Variants in NMNAT1 observed in about 807,000 individuals in gnomAD.
NMNAT1 encodes nicotinamide nucleotide adenylyltransferase 1.
NMNAT1 carries 11 observed loss-of-function variants against 16.7 expected under a neutral mutation model. The observed-to-expected ratio is 0.66, with a 90% CI of 0.41 to 1.09. The LOEUF is 1.09. Ranked by LOEUF, NMNAT1 falls within the 50% of genes least tolerant of loss-of-function variation. The pLI, the probability that NMNAT1 is intolerant of heterozygous loss-of-function variation, is 0.00. For synonymous variants in NMNAT1, 110 were observed against 119.8 expected (o/e 0.92, Z 0.53); for missense variants, 280 against 332.3 (o/e 0.84, Z 1.22).
chr1:9,975,493 C>G (rs1557471517), intron 2 of NMNAT1, 99 bp from the exon 3 acceptor site: 9 of 1,024,710 alleles, frequency 8.8e-6, no homozygotes, highest in Non-Finnish European at 1.3e-5. Flanking sequence ...AAGACTCTGT[C>G]TCAAAAAACA....
rs1641047997 is a variant in NMNAT1, at chr1:9,949,133, G to C, written c.-57+5618G>C. On this transcript the variant is annotated intron_variant, in intron 1 of 4. Coordinates refer to ENST00000377205, the MANE Select transcript of NMNAT1 (RefSeq NM_022787.4). ...AAAAATACAAAAATTAGCCGGGCAT[G>C]GTGGCAGGCACCTGTAATCCCAGCT... is the stretch of plus-strand genomic sequence containing the variant. Among the ~76,000 whole-genome samples, 4 of 151,266 alleles carry C rather than the reference G, an allele frequency of 2.6e-5. No homozygotes were observed. In the South Asian group the frequency reaches 6.3e-4, roughly 24 times the overall value.
chr1:9,946,455 T>C lies in NMNAT1; in HGVS notation c.-57+2940T>C, dbSNP rs72638934. Among the ~76,000 whole-genome samples the C allele has an allele frequency of 6.6e-3, 1,006 of 152,286 alleles. 16 individuals are homozygous for C. The highest frequency in any genetic ancestry group is 6.2e-3 in the South Asian group (30 of 4,820). ...CGGGAGGAGTTGAGGACACTTCAGC[T>C]TGGTCTTGGGATGGGAGCCCAGAGA... On this transcript the variant is annotated intron_variant, in intron 1 of 4. Transcript: ENST00000377205.
chr1:9,956,617 T>C (rs1187786823), intron 1 of NMNAT1, among the ~76,000 whole-genome samples: 1 of 151,832 alleles, frequency 6.6e-6, no homozygotes, highest in Admixed American at 6.6e-5. Flanking sequence ...GAGATGGGGT[T>C]TCATCATGTT....
In NMNAT1 at chr1:9,975,773, A is replaced by G; in HGVS notation, c.297A>G (p.Leu99=). The G allele has an allele frequency of 6.2e-7, 1 of 1,610,638 alleles. No homozygotes were observed. The highest frequency in any genetic ancestry group is 1.3e-5 in the African/African-American group (1 of 74,920). Reference sequence around the variant, plus strand: ...AGTGGAAAGAGACTCTGAAGGTGCTAAGGTATTTATGGTGTAATCAACTTT... The same window carrying G: ...AGTGGAAAGAGACTCTGAAGGTGCTGAGGTATTTATGGTGTAATCAACTTT... The part of the protein sequence containing the change: ...QKEWKETLKV[L]RHHQEKLEAS... The change falls in exon 3 of 5, where the codon CTA becomes CTG. Residue 99 remains leucine (L), a splice_region_variant and synonymous_variant. Transcript: ENST00000377205.
In NMNAT1 at chr1:9,972,124, C is replaced by A; in HGVS notation, c.51C>A (p.Phe17Leu). Residue 17 changes from phenylalanine to leucine, a missense_variant, in exon 2 of 5, where the codon TTC becomes TTA. By Grantham distance (22) the Phe-to-Leu change is conservative. Transcript: ENST00000377205. ...TEVVLLACGSFNPITNMHLRL... is the reference protein window; with the variant it reads ...TEVVLLACGSLNPITNMHLRL... ...TGGTTCTCCTTGCTTGTGGTTCATT[C>A]AATCCCATCACCAACATGCACCTCA... 6.2e-7 allele frequency: 1 copy of A among 1,613,044 alleles called. No homozygotes were observed. Among genetic ancestry groups the A allele is most frequent in the South Asian group, 1.1e-5 (1 of 91,054 alleles).
the NMNAT1 span, among the ~76,000 whole-genome samples, chr1:9,993,214 C>T: frequency 6.6e-6 from 1 of 151,988 alleles, no homozygotes; most frequent in Non-Finnish European, 1.5e-5. Context: ...AGCGGTGGCT[C>T]GCACCTGTAA....
At chr1:9,993,305 C>T in the NMNAT1 span, among the ~76,000 whole-genome samples, 11 of 152,048 alleles carry the variant, frequency 7.2e-5, no homozygotes, top group East Asian at 2.1e-3. Flanking sequence ...ACGGTGAAAC[C>T]TCATCACTAC....
At chr1:9,954,839 G>A (rs1309316085) in intron 1 of NMNAT1, among the ~76,000 whole-genome samples, 3 of 151,370 alleles carry the variant, frequency 2.0e-5, no homozygotes, top group Non-Finnish European at 4.4e-5. Context: ...GCTGAGGCAC[G>A]AGAATCGCTT....
intron 1 of NMNAT1, among the ~76,000 whole-genome samples, chr1:9,952,627 T>C (rs1462946860): frequency 6.6e-6 from 1 of 152,116 alleles, no homozygotes; most frequent in African/African-American, 2.4e-5. Context: ...GACCTCTGCC[T>C]CCTGGGTTCA....
In NMNAT1 at chr1:9,943,497, G is replaced by A. The variant is rs773765383; in HGVS notation, c.-75G>A. 2 of 152,430 alleles carry A rather than the reference G, an allele frequency of 1.3e-5. No individual in the cohort carries two copies. The highest frequency in any genetic ancestry group is 2.9e-5 in the Non-Finnish European group (2 of 68,206). 9.4% of individuals were successfully genotyped at this position (152,430 alleles called of 1,614,324 possible). The stretch of plus-strand genomic sequence containing the variant: ...GGTGATCTCCGGTAGCACTCGGGCC[G>A]GCGGACAGTGAGGGCGCGGTAAGCT... On this transcript the variant is annotated 5_prime_UTR_variant, in exon 1 of 5. Transcript: ENST00000377205.
chr1:9,985,910 A>G (rs948857565), downstream of NMNAT1, among the ~76,000 whole-genome samples: 17 of 152,146 alleles, frequency 1.1e-4, no homozygotes, highest in Admixed American at 3.9e-4. Flanking sequence ...TGGCCTCCCA[A>G]AGTGCTGGAA....
At chr1:9,944,233 G>A (rs995547316) in intron 1 of NMNAT1, among the ~76,000 whole-genome samples, 4 of 151,906 alleles carry the variant, frequency 2.6e-5, no homozygotes, top group Non-Finnish European at 5.9e-5. Context: ...CAGCCGGGGC[G>A]ACAGTTCGAG....
Position 9,975,590 on chromosome 1 carries a change from A to G in NMNAT1, c.116-2A>G, listed in dbSNP as rs1204470176. The G allele has an allele frequency of 6.3e-7, 1 of 1,597,664 alleles. No individual in the cohort carries two copies. The highest frequency in any genetic ancestry group is 2.2e-5 in the East Asian group (1 of 44,724). The stretch of plus-strand genomic sequence containing the variant: ...TAGTGTGAAACCTAACTTTTTATCT[A>G]GGAAGGTACACAGTTGTCAAAGGCA... On this transcript the variant is annotated splice_acceptor_variant, in intron 2 of 4. Transcript: ENST00000377205. LOFTEE classifies it high-confidence loss of function.
At chr1:9,988,756 C>T (rs1318665208), downstream of NMNAT1, among the ~76,000 whole-genome samples, 5 of 134,960 alleles carry the variant, frequency 3.7e-5, no homozygotes, top group Non-Finnish European at 6.3e-5. Context: ...TTGAGATGGT[C>T]GCAGGTTCAA....
downstream of NMNAT1, among the ~76,000 whole-genome samples, chr1:9,989,927 C>T (rs1156356042): frequency 6.6e-6 from 1 of 152,188 alleles, no homozygotes; most frequent in East Asian, 1.9e-4. Flanking sequence ...AAGTTTTGCT[C>T]CTTCAGGTGC....
At chr1:9,975,006 T>G (rs1215124517) in intron 2 of NMNAT1, among the ~76,000 whole-genome samples, 1 of 152,054 alleles carries the variant, frequency 6.6e-6, no homozygotes, top group Non-Finnish European at 1.5e-5. Context: ...TTTAACTGTA[T>G]AGGGGAATGA....
At chr1:9,992,704 G>T in the NMNAT1 span, among the ~76,000 whole-genome samples, 1 of 152,026 alleles carries the variant, frequency 6.6e-6, no homozygotes, top group African/African-American at 2.4e-5. Context: ...AAGGTCAGGA[G>T]ATCGAGACCT....
At chr1:9,981,767 T>C (rs1557475474) in intron 4 of NMNAT1, 1 of 153,760 alleles carries the variant, frequency 6.5e-6, no homozygotes, top group Admixed American at 6.5e-5. Flanking sequence ...TTGGAGCTTA[T>C]TTCTCCTGCA....
intron 1 of NMNAT1, among the ~76,000 whole-genome samples, chr1:9,948,205 C>A (rs1434295844): frequency 6.6e-6 from 1 of 152,072 alleles, no homozygotes; most frequent in East Asian, 1.9e-4. Flanking sequence ...AGGTGCTGTG[C>A]CTGTCAGAGA....
Sources: allele counts gnomAD v4.1 joint callset (sites outside exome capture counted in the v4.1 genomes callset), GRCh38; gene constraint gnomAD v4.1.1; transcripts MANE v1.5; gene names NCBI Gene and HGNC (gene_info 2026-07-23, HGNC 2026-07-21).